EEPD1: variants seen among roughly 807,000 people sequenced by gnomAD.
EEPD1 encodes the protein endonuclease/exonuclease/phosphatase family domain-containing protein 1.
A neutral mutation model predicts 46.3 loss-of-function variants in EEPD1; 17 were observed. That is an observed-to-expected ratio of 0.37 (90% CI 0.25 to 0.55). EEPD1 has a LOEUF of 0.55. Among genes scored for constraint, EEPD1 ranks in the 20% least tolerant of loss-of-function variants. EEPD1 has a pLI of 0.83. For synonymous variants in EEPD1, 313 were observed against 315.6 expected (o/e 0.99, Z 0.09); for missense variants, 673 against 745.6 (o/e 0.90, Z 1.13).
In EEPD1 at chr7:36,248,994, AACACACAC is replaced by A. The variant is rs71553052; in HGVS notation, c.930+9992_930+9999del. Among the ~76,000 whole-genome samples the A allele has an allele frequency of 7.5e-3, 1,021 of 135,420 alleles. 15 individuals carry two copies. Among genetic ancestry groups the A allele is most frequent in the African/African-American group, 0.027 (956 of 36,048 alleles). The allele number at this position is 135,420 out of a possible 152,430, so 88.8% of individuals were successfully genotyped here. A position where few individuals can be genotyped will look rare whatever the true frequency, so the allele number is the denominator to read the frequency against. ...ATGGGCTAGGCTCTGTGGTTCATTA[AACACACAC>A]ACACACACACACACACACACACACA... On this transcript the variant is annotated intron_variant, in intron 3 of 7. Coordinates refer to ENST00000242108, the MANE Select transcript of EEPD1 (RefSeq NM_030636.3).
At chr7:36,209,410 G>A (rs1484523132) in intron 2 of EEPD1, among the ~76,000 whole-genome samples, 2 of 152,194 alleles carry the variant, frequency 1.3e-5, no homozygotes, top group African/African-American at 4.8e-5. Flanking sequence ...CTGGTGCCCT[G>A]TGAGGAGGAT....
intron 2 of EEPD1, among the ~76,000 whole-genome samples, chr7:36,187,448 C>G (rs1157025060): frequency 6.6e-6 from 1 of 152,152 alleles, no homozygotes; most frequent in South Asian, 2.1e-4. Flanking sequence ...TACTTTCTGT[C>G]TCTATGAATT....
chr7:36,237,765 A>C (rs35215975), intron 2 of EEPD1, among the ~76,000 whole-genome samples: 57,951 of 151,940 alleles, frequency 0.38, 11,942 homozygotes, highest in Non-Finnish European at 0.46. Flanking sequence ...CGCCTGGCCA[A>C]CATGGTGAAA....
At chr7:36,197,898 A>T (rs868001010) in intron 2 of EEPD1, among the ~76,000 whole-genome samples, 95 of 151,840 alleles carry the variant, frequency 6.3e-4, no homozygotes, top group African/African-American at 2.1e-3. Flanking sequence ...AATAAAAAAA[A>T]AAATAAAAAA....
intron 2 of EEPD1, among the ~76,000 whole-genome samples, chr7:36,171,444 G>A (rs111282701): frequency 0.015 from 2,355 of 152,284 alleles, 55 homozygotes; most frequent in African/African-American, 0.054. Context: ...CCAGCAGTAA[G>A]TCAGACTTTA....
intron 3 of EEPD1, among the ~76,000 whole-genome samples, chr7:36,242,704 C>T (rs1786573494): frequency 1.3e-5 from 2 of 150,810 alleles, no homozygotes; most frequent in South Asian, 4.2e-4. Flanking sequence ...GGGTGGATCA[C>T]CTGAGGTCGG....
chr7:36,279,245 G>T (rs1787225580), intron 3 of EEPD1, among the ~76,000 whole-genome samples: 1 of 152,128 alleles, frequency 6.6e-6, no homozygotes, highest in Non-Finnish European at 1.5e-5. Context: ...CCAGGTAGGG[G>T]TTTATAAAGG....
In EEPD1 at chr7:36,243,681, G is replaced by A. The variant is rs186514115; in HGVS notation, c.930+4645G>A. On this transcript the variant is annotated intron_variant, in intron 3 of 7. Coordinates refer to ENST00000242108, the MANE Select transcript of EEPD1 (RefSeq NM_030636.3). ...GGCCATTTCCTTCACAAGTACTGGT[G>A]GATTAAATTTGAACAATAAAATATT... Among the ~76,000 whole-genome samples, 912 of 149,312 alleles carry A rather than the reference G, an allele frequency of 6.1e-3. 5 individuals are homozygous for A. The highest frequency in any genetic ancestry group is 0.021 in the African/African-American group (834 of 40,390).
At chr7:36,243,196 A>G (rs1205092138) in intron 3 of EEPD1, among the ~76,000 whole-genome samples, 2 of 152,224 alleles carry the variant, frequency 1.3e-5, no homozygotes, top group African/African-American at 2.4e-5. Flanking sequence ...TATGTGCTCG[A>G]AAGTTCAAGA....
intron 2 of EEPD1, among the ~76,000 whole-genome samples, chr7:36,159,629 A>G (rs991484555): frequency 6.6e-6 from 1 of 152,204 alleles, no homozygotes; most frequent in African/African-American, 2.4e-5. Flanking sequence ...TCTGACTCCC[A>G]GCCCACCCAC....
chr7:36,205,459 GAT>G (rs1290429108), intron 2 of EEPD1, among the ~76,000 whole-genome samples: 2 of 152,242 alleles, frequency 1.3e-5, no homozygotes, highest in African/African-American at 2.4e-5. Flanking sequence ...CAGTGAGAAA[GAT>G]ATGGCCCACA....
chr7:36,204,591 C>T (rs1030916637), intron 2 of EEPD1, among the ~76,000 whole-genome samples: 1 of 152,052 alleles, frequency 6.6e-6, no homozygotes, highest in African/African-American at 2.4e-5. Context: ...TTTAGGGGCC[C>T]TCCAAGTTTT....
At chr7:36,228,444 C>CTGAA (rs1351304559) in intron 2 of EEPD1, among the ~76,000 whole-genome samples, 2 of 151,876 alleles carry the variant, frequency 1.3e-5, no homozygotes, top group African/African-American at 2.4e-5. Flanking sequence ...AGAGAATTAT[C>CTGAA]TGAACCTGGG....
intron 3 of EEPD1, among the ~76,000 whole-genome samples, chr7:36,262,159 C>T (rs994691977): frequency 6.6e-6 from 1 of 152,192 alleles, no homozygotes; most frequent in Non-Finnish European, 1.5e-5. Flanking sequence ...AACTCTTGTC[C>T]ATGAAATGCA....
At chr7:36,249,775 C>T (rs1047203015) in intron 3 of EEPD1, among the ~76,000 whole-genome samples, 1 of 152,114 alleles carries the variant, frequency 6.6e-6, no homozygotes, top group African/African-American at 2.4e-5. Context: ...AAGACCTTTC[C>T]CTTTCGTATC....
chr7:36,283,543 C>G (rs985014437), intron 4 of EEPD1, among the ~76,000 whole-genome samples: 3 of 152,174 alleles, frequency 2.0e-5, no homozygotes, highest in Admixed American at 2.0e-4. Flanking sequence ...CCAGAGGAAG[C>G]TGAGGTTTAG....
rs773478056 is a variant in EEPD1, at chr7:36,154,779, G to A, written c.455G>A (p.Gly152Asp). ...CCGGCCCAGCTCATGAGCGTGCGAG[G>A]CCTCTCGGAGAAAATGGCCCTCAGC... ...ATPAQLMSVR[G>D]LSEKMALSIV... is the part of the protein sequence containing the mutation. Residue 152 changes from glycine (G) to aspartate (D), a missense_variant, in exon 2 of 8, where the codon GGC becomes GAC. By Grantham distance (94) the Gly-to-Asp change is moderately conservative (BLOSUM62 -1). Coordinates refer to ENST00000242108, the MANE Select transcript of EEPD1 (RefSeq NM_030636.3). This position sits in a 1 kb window ranked among gnomAD's most constrained non-coding sequence, Gnocchi z 4.2. The A allele has an allele frequency of 3.7e-5, 60 of 1,614,014 alleles. No individual in the cohort carries two copies. Among genetic ancestry groups the A allele is most frequent in the Middle Eastern group, 1.6e-4 (1 of 6,084 alleles).
intron 2 of EEPD1, among the ~76,000 whole-genome samples, chr7:36,192,928 G>A (rs895046593): frequency 6.6e-6 from 1 of 152,214 alleles, no homozygotes; most frequent in African/African-American, 2.4e-5. Context: ...CGGACCAGGT[G>A]GAAGGCTGTG....
At chr7:36,236,440 C>T (rs1325948960) in intron 2 of EEPD1, among the ~76,000 whole-genome samples, 1 of 152,222 alleles carries the variant, frequency 6.6e-6, no homozygotes, top group Non-Finnish European at 1.5e-5. Flanking sequence ...TCCCTCTTCG[C>T]GGGATTGTTG....
Sources: gnomAD v4.1 joint callset for allele counts (sites outside exome capture counted in the v4.1 genomes callset) on GRCh38, gnomAD v4.1.1 for gene constraint, Gnocchi (gnomAD v3.1) non-coding constraint, MANE v1.5 for transcripts, NCBI Gene and HGNC (gene_info 2026-07-23, HGNC 2026-07-21) for gene names.